Variants in HSF1 observed in about 807,000 individuals in gnomAD.
HSF1 encodes heat shock factor protein 1.
Under a neutral mutation model 51.7 loss-of-function variants are expected in HSF1, and 32 were observed. That is an observed-to-expected ratio of 0.62 (90% CI 0.47 to 0.83). The LOEUF (loss-of-function observed/expected upper bound fraction) is 0.83, where lower values mean the gene tolerates loss of function less well. Among genes scored for constraint, HSF1 ranks in the 40% least tolerant of loss-of-function variants. HSF1 has a pLI of 0.00. For synonymous variants in HSF1, 396 were observed against 309.7 expected (o/e 1.28, Z -2.92); for missense variants, 727 against 717.0 (o/e 1.01, Z -0.16).
chr8:144,301,900 G>C (rs1232648073), intron 1 of HSF1, among the ~76,000 whole-genome samples: 1 of 150,262 alleles, frequency 6.7e-6, no homozygotes, highest in African/African-American at 2.4e-5. Context: ...AGCCGTGCAC[G>C]GTGGTGGTGC....
intron 9 of HSF1, 72 bp downstream of exon 9, chr8:144,312,316 C>A: frequency 1.8e-6 from 2 of 1,130,330 alleles, no homozygotes; most frequent in Non-Finnish European, 2.5e-6. Context: ...CCCCGACTGT[C>A]CCAGTGGACT....
chr8:144,303,268 C>T (rs1391429417), intron 1 of HSF1, among the ~76,000 whole-genome samples: 1 of 151,980 alleles, frequency 6.6e-6, no homozygotes, highest in African/African-American at 2.4e-5. Context: ...CAGGGTTGTT[C>T]TGGCCCCAGC....
rs143365372 is a variant in HSF1, at chr8:144,297,697, G to A, written c.117+5823G>A. On this transcript the variant is annotated intron_variant, in intron 1 of 12. Coordinates refer to ENST00000528838, the MANE Select transcript of HSF1 (RefSeq NM_005526.4). The surrounding 1 kb of genome is among the most constrained non-coding windows in gnomAD (Gnocchi z 4.6). Reference sequence around the variant, plus strand: ...CTTTGCTCCTAAAGCCTATACTCCCGGGACCCGGAGAGGGAACAGCCGGCC... The same window carrying A: ...CTTTGCTCCTAAAGCCTATACTCCCAGGACCCGGAGAGGGAACAGCCGGCC... Among the ~76,000 whole-genome samples, 1,453 of 152,240 alleles carry A rather than the reference G, an allele frequency of 9.5e-3. 37 individuals carry two copies. The highest frequency in any genetic ancestry group is 0.034 in the African/African-American group (1,402 of 41,532).
intron 1 of HSF1, among the ~76,000 whole-genome samples, chr8:144,302,241 G>A (rs1815937938): frequency 6.6e-6 from 1 of 151,906 alleles, no homozygotes; most frequent in Non-Finnish European, 1.5e-5. Context: ...GGGCGCCGTG[G>A]CTCACGCCTG....
At chr8:144,311,472 G>T in intron 6 of HSF1, 33 bp from the exon 7 acceptor site, 1 of 1,612,810 alleles carries the variant, frequency 6.2e-7, no homozygotes, top group Non-Finnish European at 8.5e-7. Context: ...CCCGAGGTGG[G>T]GGGTGGTGGC....
chr8:144,305,152 G>A (rs1816130345), intron 1 of HSF1, among the ~76,000 whole-genome samples: 1 of 151,768 alleles, frequency 6.6e-6, no homozygotes, highest in African/African-American at 2.4e-5. Context: ...TCCCCATGTT[G>A]GCCAGGCTGG....
intron 4 of HSF1, chr8:144,310,908 TC>T (rs1554844220): frequency 1.9e-6 from 1 of 528,084 alleles, no homozygotes; most frequent in African/African-American, 1.9e-5. Context: ...GATGCCAGGA[TC>T]CGGGTGCACC....
intron 2 of HSF1, 157 bp downstream of exon 2, chr8:144,309,171 C>G (rs1485693113): frequency 2.9e-6 from 2 of 689,808 alleles, no homozygotes; most frequent in Non-Finnish European, 5.0e-6. Flanking sequence ...GAGCAGCCGC[C>G]TCTTCCATGG....
intron 1 of HSF1, among the ~76,000 whole-genome samples, chr8:144,301,937 G>T (rs554806380): frequency 6.6e-6 from 1 of 151,560 alleles, no homozygotes; most frequent in South Asian, 2.1e-4. Context: ...TCAGAGGCTC[G>T]GGTGGAAGGA....
chr8:144,312,901 G>GTGACAGGGA, intron 9 of HSF1: 1 of 606,126 alleles, frequency 1.6e-6, no homozygotes, highest in South Asian at 1.9e-5. Flanking sequence ...GTCATTGCCT[G>GTGACAGGGA]TGACAGGGAT....
chr8:144,314,368 C>T lies in HSF1; in HGVS notation c.*38C>T, dbSNP rs572266212. ...AGCTGGGCCAGCCGCCCACCCCCAC[C>T]CCCAGTGCAGGGCTGGTCTTGGGGA... On this transcript the variant is annotated 3_prime_UTR_variant, in exon 13 of 13. Coordinates refer to ENST00000528838, the MANE Select transcript of HSF1 (RefSeq NM_005526.4). The T allele has an allele frequency of 2.7e-4, 411 of 1,516,258 alleles. 3 individuals are homozygous for T. In the South Asian group the frequency reaches 4.8e-3, roughly 18 times the overall value. The allele number at this position is 1,516,258 out of a possible 1,614,324, so 93.9% of individuals were successfully genotyped here.
In HSF1 at chr8:144,313,339, G is replaced by C. The variant is rs3757975; in HGVS notation, c.1143-172G>C. On this transcript the variant is annotated intron_variant, in intron 9 of 12. Coordinates refer to ENST00000528838, the MANE Select transcript of HSF1 (RefSeq NM_005526.4). ...CAGCCGCACCCCTGCAGGGCACAGA[G>C]CCTCCACTGCCTTCCAGGCCGTCCT... 67 of 579,672 alleles carry C rather than the reference G, an allele frequency of 1.2e-4. No individual in the cohort carries two copies. The East Asian group carries it at 2.0e-3, about 17-fold the overall frequency. 35.9% of individuals were successfully genotyped at this position (579,672 alleles called of 1,614,324 possible).
Position 144,314,291 on chromosome 8 carries a change from C to T in HSF1, c.1551C>T (p.Gly517=), listed in dbSNP as rs1554846217. ...AEDPTISLLT[G]SEPPKAKDPT... ...ACCCCACCATCTCCCTGCTGACAGG[C>T]TCGGAGCCTCCCAAAGCCAAGGACC... Residue 517 remains glycine, a synonymous_variant, in exon 13 of 13, where the codon GGC becomes GGT. Coordinates refer to ENST00000528838, the MANE Select transcript of HSF1 (RefSeq NM_005526.4). 3 of 1,550,924 alleles carry T rather than the reference C, an allele frequency of 1.9e-6. No homozygotes were observed. The highest frequency in any genetic ancestry group is 1.7e-6 in the Non-Finnish European group (2 of 1,147,252).
chr8:144,303,723 T>C (rs1413813588), intron 1 of HSF1, among the ~76,000 whole-genome samples: 2 of 151,802 alleles, frequency 1.3e-5, no homozygotes, highest in African/African-American at 4.8e-5. Context: ...ACTAAAAATA[T>C]AAAAATAAGC....
At chr8:144,314,084 G>GGCCCCC in intron 12 of HSF1, 30 bp downstream of exon 12, 2 of 1,329,860 alleles carry the variant, frequency 1.5e-6, no homozygotes, top group Non-Finnish European at 2.0e-6. Context: ...CCCCACCTCT[G>GGCCCCC]CCCCCAACCC....
Position 144,311,536 on chromosome 8 carries a change from C to T in HSF1, c.658C>T (p.His220Tyr). The T allele has an allele frequency of 6.2e-7, 1 of 1,613,714 alleles. No homozygotes were observed. The highest frequency in any genetic ancestry group is 8.5e-7 in the Non-Finnish European group (1 of 1,179,972). Residue 220 changes from histidine (H) to tyrosine (Y), a missense_variant, in exon 7 of 13, where the codon CAT (histidine) becomes TAT (tyrosine). By Grantham distance (83) the His-to-Tyr change is moderately conservative. Transcript: ENST00000528838. ...PLMLNDSGSA[H>Y]SMPKYSRQFS... Reference sequence around the variant, plus strand: ...GATGCTGAACGACAGTGGCTCAGCACATTCCATGCCCAAGTATAGCCGGCA... The same window carrying T: ...GATGCTGAACGACAGTGGCTCAGCATATTCCATGCCCAAGTATAGCCGGCA...
Position 144,297,147 on chromosome 8 carries a change from C to T in HSF1, c.117+5273C>T, listed in dbSNP as rs142009115. On this transcript the variant is annotated intron_variant, in intron 1 of 12. Transcript: ENST00000528838. The surrounding 1 kb of genome is among the most constrained non-coding windows in gnomAD (Gnocchi z 4.6). Reference sequence around the variant, plus strand: ...TGTGCAGGGCGAGCTGGAGAGGGGTCGGTGGGGCTCACAGTGCCTTCCCAG... The same window carrying T: ...TGTGCAGGGCGAGCTGGAGAGGGGTTGGTGGGGCTCACAGTGCCTTCCCAG... Among the ~76,000 whole-genome samples the T allele has an allele frequency of 7.2e-4, 109 of 152,246 alleles. 1 individual carries two copies. In the East Asian group the frequency reaches 9.8e-3, roughly 14 times the overall value.
Position 144,311,755 on chromosome 8 carries a change from G to A in HSF1, c.779G>A (p.Ser260Asn). The A allele has an allele frequency of 6.2e-7, 1 of 1,612,966 alleles. No individual in the cohort carries two copies. Among genetic ancestry groups the A allele is most frequent in the Admixed American group, 1.7e-5 (1 of 59,980 alleles). ...CTCTACGCCCCTGATGCTGTGGCCA[G>A]CTCTGGACCCATCATCTCCGACATC... is the stretch of plus-strand genomic sequence containing the variant. ...SSLYAPDAVA[S>N]SGPIISDITE... The change falls in exon 8 of 13, where the codon AGC becomes AAC. Residue 260 changes from serine (S) to asparagine (N), a missense_variant. Transcript: ENST00000528838.
Position 144,314,380 on chromosome 8 carries a change from G to A in HSF1, c.*50G>A, listed in dbSNP as rs1554846306. On this transcript the variant is annotated 3_prime_UTR_variant, in exon 13 of 13. Coordinates refer to ENST00000528838, the MANE Select transcript of HSF1 (RefSeq NM_005526.4). ...CGCCCACCCCCACCCCCAGTGCAGGGCTGGTCTTGGGGAGGCAGGGCAGCC... is the reference window on the plus strand; with the variant it reads ...CGCCCACCCCCACCCCCAGTGCAGGACTGGTCTTGGGGAGGCAGGGCAGCC... The A allele has an allele frequency of 6.7e-7, 1 of 1,492,728 alleles. No homozygotes were observed. The highest frequency in any genetic ancestry group is 2.5e-5 in the East Asian group (1 of 40,308). The allele number at this position is 1,492,728 out of a possible 1,614,324, so 92.5% of individuals were successfully genotyped here.
Sources: gnomAD v4.1 joint callset for allele counts (sites outside exome capture counted in the v4.1 genomes callset) on GRCh38, gnomAD v4.1.1 for gene constraint, Gnocchi (gnomAD v3.1) non-coding constraint, MANE v1.5 for transcripts, NCBI Gene and HGNC (gene_info 2026-07-23, HGNC 2026-07-21) for gene names.